The following MDGA2 variants were observed in gnomAD, a reference collection of about 807,000 sequenced individuals.
The protein encoded by MDGA2 is MAM domain containing glycosylphosphatidylinositol anchor 2.
Under a neutral mutation model 117.8 loss-of-function variants are expected in MDGA2, and 40 were observed. That is an observed-to-expected ratio of 0.34 (90% CI 0.26 to 0.44). The LOEUF is 0.44. Among genes scored for constraint, MDGA2 ranks in the 20% least tolerant of loss-of-function variants. The probability of loss-of-function intolerance (pLI) is 1.00; values close to 1 mark genes in which losing one functional copy is unlikely to be tolerated. For synonymous variants in MDGA2, 452 were observed against 439.0 expected, an observed-to-expected ratio of 1.03 and a Z score of -0.37; for missense variants, 1,123 against 1,250.6, an observed-to-expected ratio of 0.90 and a Z score of 1.54.
intron 1 of MDGA2, among the ~76,000 whole-genome samples, chr14:47,633,945 A>G (rs1897280705): frequency 6.6e-6 from 1 of 152,200 alleles, no homozygotes; most frequent in Non-Finnish European, 1.5e-5. Context: ...TTAAAATACT[A>G]TAAAGGTGAA....
rs191068981 is a variant in MDGA2, at chr14:47,022,134, G to A, written c.1819+12877C>T. ...GGGTTTCACTCTATCTCCCAGACTG[G>A]AGTGCAGTGACACAATAACGGCTCA... On this transcript the variant is annotated intron_variant, in intron 8 of 16. Coordinates refer to ENST00000399232, the MANE Select transcript of MDGA2 (RefSeq NM_001113498.3). Among the ~76,000 whole-genome samples the A allele has an allele frequency of 2.8e-4, 43 of 152,108 alleles. 1 individual carries two copies. The highest frequency in any genetic ancestry group is 8.7e-4 in the African/African-American group (36 of 41,488).
chr14:47,611,904 A>T (rs1896855177), intron 1 of MDGA2, among the ~76,000 whole-genome samples: 1 of 152,198 alleles, frequency 6.6e-6, no homozygotes, highest in Non-Finnish European at 1.5e-5. Flanking sequence ...ACAGCAGAGT[A>T]ACTCACCTAT....
intron 3 of MDGA2, among the ~76,000 whole-genome samples, chr14:47,170,851 C>T (rs1203337357): frequency 1.3e-5 from 2 of 152,034 alleles, no homozygotes; most frequent in African/African-American, 4.8e-5. Flanking sequence ...TGAAAGTTGG[C>T]TAACCTAAAG....
chr14:47,168,637 T>C (rs1883989574), intron 3 of MDGA2, among the ~76,000 whole-genome samples: 2 of 152,228 alleles, frequency 1.3e-5, no homozygotes, highest in Non-Finnish European at 2.9e-5. Context: ...ACGTACTGAG[T>C]TCTAGAAACA....
intron 1 of MDGA2, among the ~76,000 whole-genome samples, chr14:47,555,647 A>C (rs563998247): frequency 6.6e-6 from 1 of 152,276 alleles, no homozygotes; most frequent in South Asian, 2.1e-4. Context: ...TCCCAGAAAA[A>C]TGAAGATAAG....
intron 5 of MDGA2, among the ~76,000 whole-genome samples, chr14:47,113,353 G>T (rs1881149643): frequency 6.6e-6 from 1 of 151,604 alleles, no homozygotes; most frequent in Non-Finnish European, 1.5e-5. Context: ...CGACCGGATG[G>T]ATTTACTGAA....
At chr14:47,491,354 C>T (rs978062116) in intron 1 of MDGA2, among the ~76,000 whole-genome samples, 5 of 151,936 alleles carry the variant, frequency 3.3e-5, no homozygotes, top group African/African-American at 9.7e-5. Flanking sequence ...CAGATTTTGC[C>T]GTAAAACCAC....
At chr14:47,378,376 G>C (rs1891529579) in intron 1 of MDGA2, among the ~76,000 whole-genome samples, 1 of 152,208 alleles carries the variant, frequency 6.6e-6, no homozygotes, top group Admixed American at 6.5e-5. Context: ...TTGATGAGTT[G>C]AGTGAATAAG....
At chr14:47,128,698 C>CTTT (rs35221831) in intron 5 of MDGA2, among the ~76,000 whole-genome samples, 1 of 138,070 alleles carries the variant, frequency 7.2e-6, no homozygotes, top group Non-Finnish European at 1.6e-5. Flanking sequence ...ATTTCCATCA[C>CTTT]TTTTTTTTTT....
intron 3 of MDGA2, chr14:47,200,460 CATT>C (rs1885452149): frequency 2.1e-6 from 1 of 472,632 alleles, no homozygotes; most frequent in East Asian, 3.2e-5. Context: ...CAATATATGA[CATT>C]AGTTTTTAAT....
At chr14:47,472,934 G>A (rs1381122945) in intron 1 of MDGA2, among the ~76,000 whole-genome samples, 1 of 151,912 alleles carries the variant, frequency 6.6e-6, no homozygotes, top group East Asian at 1.9e-4. Flanking sequence ...ACTTCTTGTT[G>A]ATAGTATTCT....
At chr14:47,238,840 T>C (rs1886950536) in intron 2 of MDGA2, among the ~76,000 whole-genome samples, 1 of 151,722 alleles carries the variant, frequency 6.6e-6, no homozygotes. Flanking sequence ...AGTAAAACTA[T>C]GACTAATGCA....
At chr14:47,509,343 G>A (rs932947857) in intron 1 of MDGA2, among the ~76,000 whole-genome samples, 1 of 152,210 alleles carries the variant, frequency 6.6e-6, no homozygotes, top group Non-Finnish European at 1.5e-5. Flanking sequence ...TGAGTTTGGA[G>A]ATCATAAGTG....
chr14:47,141,108 C>G (rs1159665825), intron 4 of MDGA2, among the ~76,000 whole-genome samples: 1 of 152,132 alleles, frequency 6.6e-6, no homozygotes, highest in Non-Finnish European at 1.5e-5. Context: ...TCACCTCCCT[C>G]CCATTAGAAT....
chr14:47,069,144 T>C (rs1174515078), intron 6 of MDGA2, among the ~76,000 whole-genome samples: 2 of 152,222 alleles, frequency 1.3e-5, no homozygotes, highest in African/African-American at 4.8e-5. Flanking sequence ...GAAATACCAG[T>C]TGCACTCACT....
chr14:47,448,233 C>T (rs552665782), intron 1 of MDGA2, among the ~76,000 whole-genome samples: 1 of 152,092 alleles, frequency 6.6e-6, no homozygotes, highest in Non-Finnish European at 1.5e-5. Flanking sequence ...TCACTGCAAC[C>T]TCCACCTCCT....
At chr14:47,413,642 C>T (rs1344825761) in intron 1 of MDGA2, among the ~76,000 whole-genome samples, 1 of 149,644 alleles carries the variant, frequency 6.7e-6, no homozygotes, top group Non-Finnish European at 1.5e-5. Context: ...CCTCTTGATG[C>T]TATATTTATT....
At chr14:47,425,362 G>A (rs184974186) in intron 1 of MDGA2, among the ~76,000 whole-genome samples, 1 of 152,208 alleles carries the variant, frequency 6.6e-6, no homozygotes, top group African/African-American at 2.4e-5. Flanking sequence ...TTTAATTTCA[G>A]TAGGAGATAC....
Sources: allele counts gnomAD v4.1 joint callset (sites outside exome capture counted in the v4.1 genomes callset), GRCh38; gene constraint gnomAD v4.1.1; transcripts MANE v1.5; gene names NCBI Gene and HGNC (gene_info 2026-07-23, HGNC 2026-07-21).